Variants in ACOT12 observed in about 807,000 individuals in gnomAD.
ACOT12 encodes the protein acyl-CoA thioesterase 12, also known as acetyl-coenzyme A thioesterase.
Under a neutral mutation model 67.7 loss-of-function variants are expected in ACOT12, and 51 were observed. The ratio of observed to expected loss-of-function variants is 0.75; its 90% confidence interval spans 0.60 to 0.95. The LOEUF (loss-of-function observed/expected upper bound fraction) is 0.95. ACOT12 is among the 40% of genes least tolerant of loss of function. The pLI is 0.00. For synonymous variants in ACOT12, 251 were observed against 244.6 expected, an observed-to-expected ratio of 1.03 and a Z score of -0.24; for missense variants, 734 against 708.1, an observed-to-expected ratio of 1.04 and a Z score of -0.41.
chr5:81,322,061 G>A, the ACOT12 span, among the ~76,000 whole-genome samples: 1 of 152,134 alleles, frequency 6.6e-6, no homozygotes, highest in Non-Finnish European at 1.5e-5. Flanking sequence ...CAGACATTGA[G>A]GACAGAATGA....
intron 4 of ACOT12, 141 bp downstream of exon 4, chr5:81,363,647 A>G (rs1268756518): frequency 1.8e-6 from 1 of 549,706 alleles, no homozygotes; most frequent in Non-Finnish European, 3.0e-6. Flanking sequence ...AACTTTTGCA[A>G]TAAATATTGG....
chr5:81,366,463 A>AGC (rs1368778317), intron 3 of ACOT12, among the ~76,000 whole-genome samples: 1 of 152,232 alleles, frequency 6.6e-6, no homozygotes, highest in East Asian at 1.9e-4. Context: ...AAAAGGAGTC[A>AGC]GCAATATCTT....
chr5:81,334,403 A>G (rs1036024015), intron 12 of ACOT12, among the ~76,000 whole-genome samples: 1 of 152,180 alleles, frequency 6.6e-6, no homozygotes, highest in Non-Finnish European at 1.5e-5. Context: ...TCAGAGCTCA[A>G]AAACACTCCC....
the ACOT12 span, among the ~76,000 whole-genome samples, chr5:81,317,364 C>T: frequency 6.6e-6 from 1 of 152,074 alleles, no homozygotes; most frequent in East Asian, 1.9e-4. Flanking sequence ...TAGCCAGGCG[C>T]AGTGGTGGGC....
chr5:81,347,870 A>G lies in ACOT12; in HGVS notation c.557T>C (p.Ile186Thr). The change falls in exon 6 of 15, where the codon ATT becomes ACT. Residue 186 changes from isoleucine to threonine, a missense_variant. Physicochemically the swap from Ile to Thr is moderately conservative, Grantham distance 89. Coordinates refer to ENST00000307624, the MANE Select transcript of ACOT12 (RefSeq NM_130767.3). ...VSTRGTSVQS[I>T]ELVLPPHANH... Reference sequence around the variant, plus strand: ...TGCATGGGGTGGGAGGACCAGTTCAATGCTCTGAACGGAGGTGCCCCTTGT... The same window carrying G: ...TGCATGGGGTGGGAGGACCAGTTCAGTGCTCTGAACGGAGGTGCCCCTTGT... The G allele has an allele frequency of 2.5e-6, 4 of 1,614,232 alleles. No individual in the cohort carries two copies. The highest frequency in any genetic ancestry group is 1.7e-6 in the Non-Finnish European group (2 of 1,180,032).
intron 11 of ACOT12, among the ~76,000 whole-genome samples, chr5:81,337,281 C>A (rs905306781): frequency 6.6e-6 from 1 of 152,196 alleles, no homozygotes; most frequent in Admixed American, 6.5e-5. Flanking sequence ...TAGTGCCAGT[C>A]CTAATCTGCC....
chr5:81,365,335 C>T (rs749606706), intron 3 of ACOT12, among the ~76,000 whole-genome samples: 1 of 152,162 alleles, frequency 6.6e-6, no homozygotes, highest in Non-Finnish European at 1.5e-5. Flanking sequence ...TTCATAAATG[C>T]AAATTAGTAT....
intron 6 of ACOT12, 150 bp from the exon 7 acceptor site, chr5:81,346,154 A>C (rs1580543931): frequency 2.2e-5 from 27 of 1,227,542 alleles, no homozygotes. Context: ...TCTGCACGCT[A>C]CCTGCCAATA....
At chr5:81,386,995 A>T (rs6452404) in intron 1 of ACOT12, among the ~76,000 whole-genome samples, 33,157 of 81,498 alleles carry the variant, frequency 0.41, 5,432 homozygotes, top group African/African-American at 0.54. Flanking sequence ...GATGAGTTCC[A>T]TTTTTTTTTT....
chr5:81,312,818 A>G, the ACOT12 span: 21 of 540,016 alleles, frequency 3.9e-5, no homozygotes, highest in African/African-American at 1.9e-5. Context: ...TATTCTGTCT[A>G]TCAAATAGTA....
the ACOT12 span, among the ~76,000 whole-genome samples, chr5:81,314,139 CTG>C: frequency 6.6e-6 from 1 of 151,952 alleles, no homozygotes; most frequent in Admixed American, 6.6e-5. Flanking sequence ...ATAGCTCACT[CTG>C]TCACCCAGGC....
At chr5:81,312,823 A>G in the ACOT12 span, 5 of 525,788 alleles carry the variant, frequency 9.5e-6, no homozygotes, top group South Asian at 1.4e-4. Flanking sequence ...TGTCTATCAA[A>G]TAGTACTTCT....
intron 11 of ACOT12, among the ~76,000 whole-genome samples, chr5:81,339,083 A>C (rs1370730522): frequency 1.3e-5 from 2 of 152,264 alleles, no homozygotes; most frequent in African/African-American, 4.8e-5. Flanking sequence ...TATCTCAAAA[A>C]ACAAACAGTA....
Position 81,343,980 on chromosome 5 carries a change from A to G in ACOT12, c.981-99T>C, listed in dbSNP as rs917855845. On this transcript the variant is annotated intron_variant, in intron 9 of 14. Transcript: ENST00000307624. ...TTTCTTGAACTTCTATCAGCCATGG[A>G]TATCAGTGGAACAACGTGGAAGAAC... is the stretch of plus-strand genomic sequence containing the variant. The G allele has an allele frequency of 1.0e-4, 129 of 1,268,062 alleles. 1 individual carries two copies. The highest frequency in any genetic ancestry group is 1.8e-5 in the Non-Finnish European group (16 of 890,578). The allele number at this position is 1,268,062 out of a possible 1,614,324, so 78.6% of individuals were successfully genotyped here. A position where few individuals can be genotyped will look rare whatever the true frequency, so the allele number is the denominator to read the frequency against.
chr5:81,377,568 CAT>C (rs1301667934), intron 2 of ACOT12, among the ~76,000 whole-genome samples: 9 of 152,318 alleles, frequency 5.9e-5, no homozygotes, highest in Admixed American at 4.6e-4. Flanking sequence ...TTGCAAATTA[CAT>C]GATTGTATAT....
intron 2 of ACOT12, 94 bp from the exon 3 acceptor site, chr5:81,371,904 T>C: frequency 9.7e-7 from 1 of 1,036,212 alleles, no homozygotes; most frequent in Non-Finnish European, 1.5e-6. Context: ...CATAAAGCAG[T>C]TCCACCTTAT....
At chr5:81,353,540 C>T (rs1759618382) in intron 5 of ACOT12, among the ~76,000 whole-genome samples, 1 of 152,130 alleles carries the variant, frequency 6.6e-6, no homozygotes, top group African/African-American at 2.4e-5. Context: ...TCTGCATATC[C>T]AGAAAATTAA....
the ACOT12 span, among the ~76,000 whole-genome samples, chr5:81,317,840 G>A: frequency 1.3e-5 from 2 of 151,372 alleles, no homozygotes; most frequent in East Asian, 3.9e-4. Flanking sequence ...CCAAGGTCTG[G>A]TTTTCTTCTG....
chr5:81,338,527 T>A (rs562770601), intron 11 of ACOT12, among the ~76,000 whole-genome samples: 2 of 152,230 alleles, frequency 1.3e-5, no homozygotes, highest in Non-Finnish European at 2.9e-5. Flanking sequence ...TCCCCAGCCA[T>A]GCTTCCTGTG....
Sources: allele counts gnomAD v4.1 joint callset (sites outside exome capture counted in the v4.1 genomes callset), GRCh38; gene constraint gnomAD v4.1.1; transcripts MANE v1.5; gene names NCBI Gene and HGNC (gene_info 2026-07-23, HGNC 2026-07-21).